Variants in UACA observed in about 807,000 individuals in gnomAD.
UACA encodes the protein uveal autoantigen with coiled-coil domains and ankyrin repeats.
Under a neutral mutation model 160.5 loss-of-function variants are expected in UACA, and 112 were observed. The observed-to-expected ratio is 0.70, with a 90% CI of 0.60 to 0.82. The LOEUF (loss-of-function observed/expected upper bound fraction) is 0.82, where lower values mean the gene tolerates loss of function less well. Ranked by LOEUF, UACA falls within the 40% of genes least tolerant of loss-of-function variation. UACA has a pLI of 0.00. For synonymous variants in UACA, 557 were observed against 568.4 expected (o/e 0.98, Z 0.29); for missense variants, 1,574 against 1,614.6 (o/e 0.97, Z 0.43).
chr15:70,723,934 G>T (rs933610382), intron 1 of UACA, among the ~76,000 whole-genome samples: 1 of 152,026 alleles, frequency 6.6e-6, no homozygotes, highest in Non-Finnish European at 1.5e-5. Context: ...GCCTGGCCTT[G>T]AACTTTTTCA....
chr15:70,667,436 T>C lies in UACA; in HGVS notation c.3248A>G (p.Lys1083Arg). The C allele has an allele frequency of 6.2e-7, 1 of 1,610,370 alleles. No homozygotes were observed. Among genetic ancestry groups the C allele is most frequent in the East Asian group, 2.2e-5 (1 of 44,866 alleles). The change falls in exon 16 of 19, where the codon AAG (lysine) becomes AGG (arginine). Residue 1083 changes from lysine to arginine, a missense_variant. Physicochemically the swap from Lys to Arg is conservative, Grantham distance 26 (BLOSUM62 2). Transcript: ENST00000322954. ...KDLSQKYTEVKNVKEKLVEEN... is the reference protein window; with the variant it reads ...KDLSQKYTEVRNVKEKLVEEN... ...TTCTACTAGCTTCTCTTTCACATTC[T>C]TTACTTCCGTGTATTTCTGTGACAA...
At chr15:70,748,199 C>T (rs984622271) in intron 1 of UACA, among the ~76,000 whole-genome samples, 3 of 152,010 alleles carry the variant, frequency 2.0e-5, no homozygotes, top group African/African-American at 7.2e-5. Context: ...TAATTAAGAA[C>T]TTCAATAAAT....
chr15:70,703,567 A>C (rs1319618518), intron 1 of UACA, among the ~76,000 whole-genome samples: 1 of 152,228 alleles, frequency 6.6e-6, no homozygotes, highest in Non-Finnish European at 1.5e-5. Flanking sequence ...TCTTTGAGGA[A>C]ATCTTTGTTA....
At chr15:70,665,721 C>G (rs1471960442) in intron 16 of UACA, among the ~76,000 whole-genome samples, 1 of 151,950 alleles carries the variant, frequency 6.6e-6, no homozygotes, top group Non-Finnish European at 1.5e-5. Flanking sequence ...TCATAGGTAC[C>G]TTCTGAACAA....
chr15:70,739,028 C>T (rs1899451636), intron 1 of UACA, among the ~76,000 whole-genome samples: 1 of 152,168 alleles, frequency 6.6e-6, no homozygotes, highest in South Asian at 2.1e-4. Context: ...TTGTTCAAAG[C>T]AAGTCATGAA....
Position 70,667,579 on chromosome 15 carries a change from CT to C in UACA, c.3104del (p.Lys1035ArgfsTer10). 6.2e-7 allele frequency: 1 copy of C among 1,612,924 alleles called. No individual in the cohort carries two copies. Among genetic ancestry groups the C allele is most frequent in the East Asian group, 2.2e-5 (1 of 44,874 alleles). On this transcript the variant is annotated frameshift_variant, in exon 16 of 19. Coordinates refer to ENST00000322954, the MANE Select transcript of UACA (RefSeq NM_018003.4). LOFTEE classifies it high-confidence loss of function. ...AATCTTTCTGAAGGGTAAAAATCTCCTTCTTTAACTTGTCATTCTCTTGCTT... is the reference window on the plus strand; with the variant it reads ...AATCTTTCTGAAGGGTAAAAATCTCCTCTTTAACTTGTCATTCTCTTGCTT... ...KNKQENDKLK[K>X]EIFTLQKDLR...
In UACA at chr15:70,668,300, T is replaced by C. The variant is rs928183718; in HGVS notation, c.2384A>G (p.Asp795Gly). Residue 795 changes from aspartate (D) to glycine (G), a missense_variant, in exon 16 of 19, where the codon GAT becomes GGT. Asp to Gly is a moderately conservative substitution (Grantham distance 94). Coordinates refer to ENST00000322954, the MANE Select transcript of UACA (RefSeq NM_018003.4). ...AAACACAGTTTCTAGGCGGCTTACA[T>C]CCTTACTTAAGCTGTCATTTTCCAG... ...LLLENDSLSK[D>G]VSRLETVFVP... The C allele has an allele frequency of 2.5e-6, 4 of 1,613,288 alleles. No homozygotes were observed. The highest frequency in any genetic ancestry group is 3.4e-6 in the Non-Finnish European group (4 of 1,179,886).
chr15:70,694,765 T>C (rs1898068206), intron 3 of UACA, among the ~76,000 whole-genome samples: 1 of 152,102 alleles, frequency 6.6e-6, no homozygotes, highest in African/African-American at 2.4e-5. Flanking sequence ...TAGGATTCTG[T>C]AACACTACTA....
intron 18 of UACA, 105 bp downstream of exon 18, chr15:70,660,046 G>A (rs1595863714): frequency 2.4e-6 from 2 of 835,890 alleles, no homozygotes; most frequent in East Asian, 5.7e-5. Flanking sequence ...AGCATAGGGG[G>A]TGCAGCTACT....
chr15:70,736,992 C>T (rs1049092430), intron 1 of UACA, among the ~76,000 whole-genome samples: 9 of 152,312 alleles, frequency 5.9e-5, no homozygotes, highest in Admixed American at 5.2e-4. Context: ...ACTCAGGACA[C>T]TCTTTGGTTA....
intron 5 of UACA, 148 bp downstream of exon 5, chr15:70,690,306 A>C: frequency 1.3e-6 from 1 of 765,284 alleles, no homozygotes; most frequent in Non-Finnish European, 2.2e-6. Flanking sequence ...GGTATAATCT[A>C]ATAAATCTCT....
intron 1 of UACA, among the ~76,000 whole-genome samples, chr15:70,745,742 C>T (rs767414522): frequency 1.4e-4 from 22 of 152,094 alleles, no homozygotes; most frequent in Non-Finnish European, 2.4e-4. Flanking sequence ...CAAAATAGCA[C>T]GGTACTGGTA....
At chr15:70,727,679 A>G (rs1899189004) in intron 1 of UACA, among the ~76,000 whole-genome samples, 1 of 152,242 alleles carries the variant, frequency 6.6e-6, no homozygotes, top group Non-Finnish European at 1.5e-5. Context: ...AACTGTTCTC[A>G]AAAACTAAAA....
At chr15:70,756,203 G>A (rs905123723) in intron 1 of UACA, among the ~76,000 whole-genome samples, 1 of 150,596 alleles carries the variant, frequency 6.6e-6, no homozygotes, top group Non-Finnish European at 1.5e-5. Flanking sequence ...GTCTTGCTCT[G>A]TTGCCCAGGC....
intron 1 of UACA, among the ~76,000 whole-genome samples, chr15:70,726,962 G>A (rs753702838): frequency 6.6e-6 from 1 of 152,122 alleles, no homozygotes; most frequent in Non-Finnish European, 1.5e-5. Context: ...CCAGTGCTCA[G>A]CCATGCACGC....
chr15:70,690,777 G>T (rs888889178), intron 4 of UACA, among the ~76,000 whole-genome samples: 4 of 151,100 alleles, frequency 2.6e-5, no homozygotes, highest in African/African-American at 7.3e-5. Flanking sequence ...ATTGTTTGGG[G>T]TTTTTTTTTC....
At position 70,667,651 on chromosome 15, in the gene UACA, C is replaced by T; in HGVS notation, c.3033G>A (p.Glu1011=). The T allele has an allele frequency of 6.2e-7, 1 of 1,613,164 alleles. No individual in the cohort carries two copies. Among genetic ancestry groups the T allele is most frequent in the Non-Finnish European group, 8.5e-7 (1 of 1,179,980 alleles). The change falls in exon 16 of 19, where the codon GAG becomes GAA. Residue 1011 remains glutamate (E), a synonymous_variant. Coordinates refer to ENST00000322954, the MANE Select transcript of UACA (RefSeq NM_018003.4). ...TEKELKDQLS[E]QTQKYSVSEE... is the part of the protein sequence containing the mutation. ...CACTGACACTATACTTTTGTGTCTG[C>T]TCTGATAACTGGTCTTTTAGTTCTT...
At chr15:70,701,133 C>T (rs1416669261) in intron 1 of UACA, among the ~76,000 whole-genome samples, 2 of 152,008 alleles carry the variant, frequency 1.3e-5, no homozygotes, top group Admixed American at 1.3e-4. Flanking sequence ...TTAATGGAAC[C>T]TGGTTCAAGT....
At position 70,668,521 on chromosome 15, in the gene UACA, T is replaced by G; in HGVS notation, c.2163A>C (p.Lys721Asn). 6.2e-7 allele frequency: 1 copy of G among 1,610,136 alleles called. No individual in the cohort carries two copies. The highest frequency in any genetic ancestry group is 8.5e-7 in the Non-Finnish European group (1 of 1,179,314). Reference sequence around the variant, plus strand: ...TGAGGAGCTTATTATCCAAATAAACTTTTTCAATTTCCTTTTGTAGTGTCT... The same window carrying G: ...TGAGGAGCTTATTATCCAAATAAACGTTTTCAATTTCCTTTTGTAGTGTCT... ...KNQTLQKEIE[K>N]VYLDNKLLKE... The change falls in exon 16 of 19, where the codon AAA becomes AAC. Residue 721 changes from lysine (K) to asparagine (N), a missense_variant. Physicochemically the swap from Lys to Asn is moderately conservative, Grantham distance 94. Coordinates refer to ENST00000322954, the MANE Select transcript of UACA (RefSeq NM_018003.4).
Sources: allele counts gnomAD v4.1 joint callset (sites outside exome capture counted in the v4.1 genomes callset), GRCh38; gene constraint gnomAD v4.1.1; transcripts MANE v1.5; gene names NCBI Gene and HGNC (gene_info 2026-07-23, HGNC 2026-07-21).